RARB: variants seen among roughly 807,000 people sequenced by gnomAD.
RARB encodes the protein HBV-activated protein.
Under a neutral mutation model 51.9 loss-of-function variants are expected in RARB, and 17 were observed. The ratio of observed to expected loss-of-function variants is 0.33; its 90% CI spans 0.22 to 0.49. RARB has a LOEUF of 0.49. RARB is among the 20% of genes least tolerant of loss of function. RARB has a pLI of 0.99. For missense variants in RARB, 369 were observed against 550.8 expected (o/e 0.67, Z 3.30); for synonymous variants, 215 against 195.4 (o/e 1.10, Z -0.84).
At chr3:25,262,674 G>A (rs1160306240) in intron 5 of RARB, among the ~76,000 whole-genome samples, 1 of 152,142 alleles carries the variant, frequency 6.6e-6, no homozygotes, top group East Asian at 1.9e-4. Flanking sequence ...CACTTTTGAA[G>A]ACGCTTGTGT....
At chr3:24,907,048 C>T (rs1043530666) in intron 2 of RARB, among the ~76,000 whole-genome samples, 3 of 152,056 alleles carry the variant, frequency 2.0e-5, no homozygotes, top group African/African-American at 7.2e-5. Flanking sequence ...GGGATATAGA[C>T]TTGGACTTAC....
intron 2 of RARB, among the ~76,000 whole-genome samples, chr3:24,955,107 G>A (rs952176192): frequency 1.3e-5 from 2 of 152,174 alleles, no homozygotes; most frequent in African/African-American, 4.8e-5. Flanking sequence ...GGTTTGAATG[G>A]TGATGAATGC....
At chr3:25,141,886 A>G (rs1240800278) in intron 4 of RARB, among the ~76,000 whole-genome samples, 1 of 152,228 alleles carries the variant, frequency 6.6e-6, no homozygotes, top group Non-Finnish European at 1.5e-5. Context: ...AGTAGGATAC[A>G]TGCATGTGAC....
chr3:25,553,890 A>G (rs1483854535), intron 3 of RARB, among the ~76,000 whole-genome samples: 1 of 152,078 alleles, frequency 6.6e-6, no homozygotes, highest in Non-Finnish European at 1.5e-5. Flanking sequence ...CTAGTTAAAC[A>G]GTACTCGGCC....
chr3:25,272,063 A>T (rs35180299), intron 5 of RARB, among the ~76,000 whole-genome samples: 15,405 of 152,268 alleles, frequency 0.1, 1,001 homozygotes, highest in South Asian at 0.26. Context: ...TTTCTTAGTC[A>T]AGCTGGCAAT....
intron 2 of RARB, among the ~76,000 whole-genome samples, chr3:25,011,487 G>GTTAGGAA (rs1227194417): frequency 6.6e-6 from 1 of 152,076 alleles, no homozygotes; most frequent in Non-Finnish European, 1.5e-5. Flanking sequence ...GCTATATTTA[G>GTTAGGAA]TTAGGAATTA....
chr3:25,321,653 G>T (rs1287304856), intron 5 of RARB, among the ~76,000 whole-genome samples: 2 of 151,914 alleles, frequency 1.3e-5, no homozygotes, highest in Non-Finnish European at 1.5e-5. Flanking sequence ...GGAGGCAAAG[G>T]TTGCAGTGAG....
intron 3 of RARB, among the ~76,000 whole-genome samples, chr3:25,124,842 G>A (rs1456045868): frequency 6.6e-6 from 1 of 152,110 alleles, no homozygotes; most frequent in Non-Finnish European, 1.5e-5. Context: ...TATACCATTG[G>A]TCACCTATTT....
intron 3 of RARB, among the ~76,000 whole-genome samples, chr3:25,542,840 C>G (rs1699441422): frequency 6.6e-6 from 1 of 152,142 alleles, no homozygotes; most frequent in Non-Finnish European, 1.5e-5. Flanking sequence ...TTACATAATC[C>G]TTACAATAAC....
chr3:25,355,547 C>T (rs151170360), intron 5 of RARB, among the ~76,000 whole-genome samples: 22 of 151,968 alleles, frequency 1.4e-4, no homozygotes, highest in African/African-American at 4.8e-4. Flanking sequence ...TTTGTTTGAC[C>T]TCTACTACTA....
chr3:25,510,581 G>A (rs1302103778), intron 3 of RARB, among the ~76,000 whole-genome samples: 5 of 151,800 alleles, frequency 3.3e-5, no homozygotes, highest in Admixed American at 1.3e-4. Context: ...GGCCAAGATC[G>A]AGCCACTGCA....
At chr3:25,364,258 A>G (rs1446151389) in intron 5 of RARB, among the ~76,000 whole-genome samples, 1 of 152,190 alleles carries the variant, frequency 6.6e-6, no homozygotes, top group Non-Finnish European at 1.5e-5. Flanking sequence ...GGCACAGAGC[A>G]AGTACTCAAT....
At position 25,161,163 on chromosome 3, in the gene RARB, C is replaced by A. The variant is rs546983791; in HGVS notation, c.-279-12956C>A. Reference sequence around the variant, plus strand: ...GAGTAGCTGGGATTACAGGCACCCACCACCATGCCCAGCTAATTATTATTA... The same window carrying A: ...GAGTAGCTGGGATTACAGGCACCCAACACCATGCCCAGCTAATTATTATTA... On this transcript the variant is annotated intron_variant, in intron 4 of 11. Transcript: ENST00000383772. 1.1e-4 allele frequency among the ~76,000 whole-genome samples: 16 copies of A among 147,806 alleles called. No individual in the cohort carries two copies. The South Asian group carries it at 3.3e-3, about 31-fold the overall frequency.
intron 4 of RARB, among the ~76,000 whole-genome samples, chr3:25,170,004 A>AT (rs750101267): frequency 1.7e-5 from 2 of 115,328 alleles, no homozygotes; most frequent in Non-Finnish European, 4.0e-5. Context: ...AAAAAAAAAA[A>AT]AAAAGAAAGA....
At chr3:24,980,397 T>G (rs1489560777) in intron 2 of RARB, among the ~76,000 whole-genome samples, 1 of 152,228 alleles carries the variant, frequency 6.6e-6, no homozygotes, top group Non-Finnish European at 1.5e-5. Context: ...CCTCTCACTT[T>G]CAGGTACACC....
rs1213793523 is a variant in RARB, at chr3:25,474,418, A to G, written c.306+13077A>G. On this transcript the variant is annotated intron_variant, in intron 2 of 7. Transcript: ENST00000330688. ...CTCTAATTTATATGTGTCATTCCTC[A>G]TTAACATAAATAAATTCAGAATAAT... Among the ~76,000 whole-genome samples the G allele has an allele frequency of 3.9e-5, 6 of 152,348 alleles. No homozygotes were observed. The East Asian group carries it at 1.2e-3, about 29-fold the overall frequency.
intron 1 of RARB, among the ~76,000 whole-genome samples, chr3:25,439,998 C>T (rs1708593651): frequency 6.6e-6 from 1 of 152,108 alleles, no homozygotes; most frequent in Admixed American, 6.6e-5. Flanking sequence ...AGCTTGAGCT[C>T]CAGGTTTTGT....
intron 1 of RARB, among the ~76,000 whole-genome samples, chr3:25,442,669 G>T (rs1159894782): frequency 3.3e-5 from 5 of 152,150 alleles, no homozygotes; most frequent in African/African-American, 9.7e-5. Context: ...TAAACAGAAT[G>T]CTGTAGGGTG....
intron 4 of RARB, among the ~76,000 whole-genome samples, chr3:25,139,171 G>C (rs1700074611): frequency 6.6e-6 from 1 of 151,944 alleles, no homozygotes; most frequent in Non-Finnish European, 1.5e-5. Context: ...ACTGAAATTA[G>C]GCTGATTAAT....
Sources: allele counts gnomAD v4.1 joint callset (sites outside exome capture counted in the v4.1 genomes callset), GRCh38; gene constraint gnomAD v4.1.1; transcripts MANE v1.5; gene names NCBI Gene and HGNC (gene_info 2026-07-23, HGNC 2026-07-21).